Variants in CAD observed in about 807,000 individuals in gnomAD.
CAD encodes carbamoyl-phosphate synthetase 2, aspartate transcarbamylase, and dihydroorotase, also known as multifunctional protein CAD.
A neutral mutation model predicts 237.2 loss-of-function variants in CAD; 81 were observed. The observed-to-expected ratio is 0.34, with a 90% CI of 0.29 to 0.41. CAD has a LOEUF of 0.41. CAD is among the 10% of genes least tolerant of loss of function. The pLI is 1.00. For synonymous variants in CAD, 1,196 were observed against 1,162.8 expected, an observed-to-expected ratio of 1.03 and a Z score of -0.58; for missense variants, 2,181 against 2,951.7, an observed-to-expected ratio of 0.74 and a Z score of 6.05.
chr2:27,237,906 AGGCCACCACCCAGTGTCTCCT>A lies in CAD; in HGVS notation c.4728+28_4728+48del, dbSNP rs777768809. ...AGGTAGGGAGTGTGCATGTGGCAGG[AGGCCACCACCCAGTGTCTCCT>A]GGCTTGTGGGCCCCTGCCTAAGTGG... On this transcript the variant is annotated intron_variant, in intron 29 of 43. Transcript: ENST00000264705. The surrounding 1 kb of genome is among the most constrained non-coding windows in gnomAD (Gnocchi z 4.0). 1.3e-5 allele frequency: 20 copies of A among 1,586,648 alleles called. No homozygotes were observed. The highest frequency in any genetic ancestry group is 9.5e-6 in the Non-Finnish European group (11 of 1,163,842).
chr2:27,217,884 A>G lies in CAD; in HGVS notation c.90A>G (p.Gln30=), dbSNP rs1227192121. ...AVSTAGEVVF[Q]TGMVGYPEAL... ...CCTGCTTCTTTCTTGCAGTGTTTCA[A>G]ACCGGCATGGTCGGCTACCCCGAGG... The change falls in exon 2 of 44, where the codon CAA becomes CAG. Residue 30 remains glutamine (Q), a synonymous_variant. Transcript: ENST00000264705. 1 of 1,602,820 alleles carries G rather than the reference A, an allele frequency of 6.2e-7. No homozygotes were observed.
In CAD at chr2:27,223,937, A is replaced by G. The variant is rs747119800; in HGVS notation, c.1016A>G (p.His339Arg). The G allele has an allele frequency of 6.2e-7, 1 of 1,613,636 alleles. No individual in the cohort carries two copies. The highest frequency in any genetic ancestry group is 2.2e-5 in the East Asian group (1 of 44,872). The part of the protein sequence containing the change: ...PFFSVQFHPE[H>R]QAGPSDMELL... ...AATAGTGTCCAGTTTCACCCAGAGC[A>G]CCAAGCTGGCCCTTCAGATATGGAA... The change falls in exon 8 of 44, where the codon CAC (histidine) becomes CGC (arginine). Residue 339 changes from histidine (H) to arginine (R), a missense_variant. By Grantham distance (29) the His-to-Arg change is conservative. This residue lies in a region of CAD where 129 missense variants were observed against 143.3 expected (regional missense o/e 0.90). Transcript: ENST00000264705.
chr2:27,236,292 T>C lies in CAD; in HGVS notation c.4083T>C (p.Ala1361=). ...TGACTCCGGGTTGGCAGGTAACAGC[T>C]GTGGACTGGCACTTTGAGGAGGCTG... ...FYTEHGVKVT[A]VDWHFEEAVD... is the part of the protein sequence containing the mutation. Residue 1361 remains alanine, a synonymous_variant, in exon 26 of 44, where the codon GCT becomes GCC. Transcript: ENST00000264705. This position sits in a 1 kb window ranked among gnomAD's most constrained non-coding sequence, Gnocchi z 4.1. 6.2e-7 allele frequency: 1 copy of C among 1,613,884 alleles called. No homozygotes were observed. The highest frequency in any genetic ancestry group is 8.5e-7 in the Non-Finnish European group (1 of 1,179,904).
chr2:27,235,824 AGTG>A lies in CAD; in HGVS notation c.4074+185_4074+187del. On this transcript the variant is annotated intron_variant, in intron 25 of 43. Coordinates refer to ENST00000264705, the MANE Select transcript of CAD (RefSeq NM_004341.5). The surrounding 1 kb of genome is among the most constrained non-coding windows in gnomAD (Gnocchi z 5.2). ...AGGCTGCAGTGAGCTGCGAGTGTGC[AGTG>A]AGTGCACCACTGCACTCCAGCTTGG... is the stretch of plus-strand genomic sequence containing the variant. 1 of 556,962 alleles carries A rather than the reference AGTG, an allele frequency of 1.8e-6. No individual in the cohort carries two copies. The highest frequency in any genetic ancestry group is 3.2e-6 in the Non-Finnish European group (1 of 311,430). 34.5% of individuals were successfully genotyped at this position (556,962 alleles called of 1,614,324 possible).
In CAD at chr2:27,241,982, C is replaced by T; in HGVS notation, c.5955C>T (p.Ala1985=). The change falls in exon 39 of 44, where the codon GCC becomes GCT. Residue 1985 remains alanine (A), a synonymous_variant. Coordinates refer to ENST00000264705, the MANE Select transcript of CAD (RefSeq NM_004341.5). The surrounding 1 kb of genome is among the most constrained non-coding windows in gnomAD (Gnocchi z 4.6). ...RTSSSFAAAM[A]RLGGAVLSFS... The stretch of plus-strand genomic sequence containing the variant: ...GCAGCTCCTTTGCAGCAGCCATGGC[C>T]CGGCTGGGAGGTGCTGTGCTCAGCT... 6.2e-7 allele frequency: 1 copy of T among 1,613,514 alleles called. No individual in the cohort carries two copies. The highest frequency in any genetic ancestry group is 1.1e-5 in the South Asian group (1 of 91,082).
chr2:27,222,381 G>C lies in CAD; in HGVS notation c.495+45G>C, dbSNP rs74335354. Reference sequence around the variant, plus strand: ...GAGTGTTGCAAGCTCTAGCACAGTAGTTATATTCTGCCCACAATTGGGGGG... The same window carrying C: ...GAGTGTTGCAAGCTCTAGCACAGTACTTATATTCTGCCCACAATTGGGGGG... On this transcript the variant is annotated intron_variant, in intron 4 of 43. Transcript: ENST00000264705. 734 of 1,590,850 alleles carry C rather than the reference G, an allele frequency of 4.6e-4. 4 individuals carry two copies. The African/African-American group carries it at 9.0e-3, about 20-fold the overall frequency.
Position 27,224,355 on chromosome 2 carries a change from G to A in CAD, c.1119G>A (p.Arg373=). 6.2e-7 allele frequency: 1 copy of A among 1,614,210 alleles called. No homozygotes were observed. The highest frequency in any genetic ancestry group is 8.5e-7 in the Non-Finnish European group (1 of 1,180,024). The part of the protein sequence containing the change: ...GNPGGQTVRE[R]LTERLCPPGI... Reference sequence around the variant, plus strand: ...TCTTTGCTTCCACAGTTAGAGAGCGGCTGACTGAGCGCCTCTGTCCCCCTG... The same window carrying A: ...TCTTTGCTTCCACAGTTAGAGAGCGACTGACTGAGCGCCTCTGTCCCCCTG... Residue 373 remains arginine, a synonymous_variant, in exon 9 of 44, where the codon CGG becomes CGA. Transcript: ENST00000264705.
Position 27,224,040 on chromosome 2 carries a change from G to A in CAD, c.1108+11G>A, listed in dbSNP as rs374758631. On this transcript the variant is annotated intron_variant, in intron 8 of 43. Coordinates refer to ENST00000264705, the MANE Select transcript of CAD (RefSeq NM_004341.5). Reference sequence around the variant, plus strand: ...CTGGGGGCCAGACAGGTAAGATCCTGAGTAGAACTGGGTTGTGGACCTAAG... The same window carrying A: ...CTGGGGGCCAGACAGGTAAGATCCTAAGTAGAACTGGGTTGTGGACCTAAG... 1.9e-6 allele frequency: 3 copies of A among 1,575,934 alleles called. No homozygotes were observed. The highest frequency in any genetic ancestry group is 2.6e-6 in the Non-Finnish European group (3 of 1,145,082).
Position 27,238,085 on chromosome 2 carries a change from C to G in CAD, c.4758C>G (p.Pro1586=). ...TCGAGACATGGCCCTCCCACCTCCC[C>G]ATTGTGGCTCACGCAGAGCAGCAAA... is the stretch of plus-strand genomic sequence containing the variant. ...EHFETWPSHL[P]IVAHAEQQTV... is the part of the protein sequence containing the mutation. The change falls in exon 30 of 44, where the codon CCC becomes CCG. Residue 1586 remains proline, a synonymous_variant. Coordinates refer to ENST00000264705, the MANE Select transcript of CAD (RefSeq NM_004341.5). The G allele has an allele frequency of 3.7e-6, 6 of 1,614,220 alleles. No individual in the cohort carries two copies. The highest frequency in any genetic ancestry group is 2.5e-6 in the Non-Finnish European group (3 of 1,180,038).
chr2:27,227,044 T>A, intron 15 of CAD, 82 bp downstream of exon 15: 2 of 1,218,954 alleles, frequency 1.6e-6, no homozygotes, highest in Non-Finnish European at 2.4e-6. Context: ...TGGCATGGCC[T>A]TTTACGTCCT....
rs769432903 is a variant in CAD, at chr2:27,239,712, G to A, written c.5410G>A (p.Gly1804Ser). The change falls in exon 34 of 44, where the codon GGC (glycine) becomes AGC (serine). Residue 1804 changes from glycine (G) to serine (S), a missense_variant. This residue lies in a region of CAD where 478 missense variants were observed against 515.0 expected (regional missense o/e 0.93). Coordinates refer to ENST00000264705, the MANE Select transcript of CAD (RefSeq NM_004341.5). The surrounding 1 kb of genome is among the most constrained non-coding windows in gnomAD (Gnocchi z 4.0). ...CTGCCTGCAGGTTCTGGTACCCCCG[G>A]GCTATGGACAGGATGTACGGAAGTG... ...YIDGQVLVPP[G>S]YGQDVRKWPQ... The A allele has an allele frequency of 1.3e-6, 2 of 1,590,892 alleles. No individual in the cohort carries two copies. The highest frequency in any genetic ancestry group is 1.8e-5 in the Admixed American group (1 of 56,858).
chr2:27,217,420 C>A lies in CAD; in HGVS notation c.-132C>A. 1.3e-6 allele frequency: 1 copy of A among 797,372 alleles called. No individual in the cohort carries two copies. 49.4% of individuals were successfully genotyped at this position (797,372 alleles called of 1,614,324 possible). A position where few individuals can be genotyped will look rare whatever the true frequency, so the allele number is the denominator to read the frequency against. On this transcript the variant is annotated 5_prime_UTR_variant, in exon 1 of 44. Coordinates refer to ENST00000264705, the MANE Select transcript of CAD (RefSeq NM_004341.5). Reference sequence around the variant, plus strand: ...CCCGAGGCTCCTACGCTGCCGCGCCCGGCTTCTCTCCAGCGCCCCGCGCCG... The same window carrying A: ...CCCGAGGCTCCTACGCTGCCGCGCCAGGCTTCTCTCCAGCGCCCCGCGCCG...
Position 27,238,705 on chromosome 2 carries a change from C to G in CAD, c.5062+73C>G, listed in dbSNP as rs138381242. On this transcript the variant is annotated intron_variant, in intron 31 of 43. Transcript: ENST00000264705. The stretch of plus-strand genomic sequence containing the variant: ...ACAGCCCTAGCAAGAAAATGGGAAG[C>G]AGGCCAGGCCTCAGGACTCTACTAG... 4,605 of 1,393,980 alleles carry G rather than the reference C, an allele frequency of 3.3e-3. 15 individuals are homozygous for G. Among genetic ancestry groups the G allele is most frequent in the Non-Finnish European group, 4.2e-3 (4,283 of 1,015,766 alleles). The allele number at this position is 1,393,980 out of a possible 1,614,324, so 86.4% of individuals were successfully genotyped here. A position where few individuals can be genotyped will look rare whatever the true frequency, so the allele number is the denominator to read the frequency against.
In CAD at chr2:27,236,194, T is replaced by C. The variant is rs1675993151; in HGVS notation, c.4075-90T>C. 6.5e-7 allele frequency: 1 copy of C among 1,536,806 alleles called. No individual in the cohort carries two copies. The highest frequency in any genetic ancestry group is 8.8e-7 in the Non-Finnish European group (1 of 1,138,872). ...CTATGGGTCCTCAGTCTCCTCATCA[T>C]GGGCTCCTGGGCCAGCTCCTCTCCC... On this transcript the variant is annotated intron_variant, in intron 25 of 43. Coordinates refer to ENST00000264705, the MANE Select transcript of CAD (RefSeq NM_004341.5). The surrounding 1 kb of genome is among the most constrained non-coding windows in gnomAD (Gnocchi z 4.1).
rs1009969489 is a variant in CAD, at chr2:27,242,091, G to T, written c.6064G>T (p.Val2022Leu). ...QTMSCYADVV[V>L]LRHPQPGAVE... is the part of the protein sequence containing the mutation. The stretch of plus-strand genomic sequence containing the variant: ...CATGAGCTGCTATGCCGACGTCGTC[G>T]TGCTCCGGCACCCCCAGCCTGGAGC... The change falls in exon 39 of 44, where the codon GTG becomes TTG. Residue 2022 changes from valine (V) to leucine (L), a missense_variant. This residue lies in a region of CAD where 203 missense variants were observed against 284.5 expected (regional missense o/e 0.71). Coordinates refer to ENST00000264705, the MANE Select transcript of CAD (RefSeq NM_004341.5). The surrounding 1 kb of genome is among the most constrained non-coding windows in gnomAD (Gnocchi z 6.4). The T allele has an allele frequency of 6.2e-7, 1 of 1,613,096 alleles. No individual in the cohort carries two copies. Among genetic ancestry groups the T allele is most frequent in the East Asian group, 2.2e-5 (1 of 44,880 alleles).
Position 27,237,936 on chromosome 2 carries a change from G to T in CAD, c.4728+54G>T, listed in dbSNP as rs1676103884. Reference sequence around the variant, plus strand: ...ACCACCCAGTGTCTCCTGGCTTGTGGGCCCCTGCCTAAGTGGGCTGGTAGC... The same window carrying T: ...ACCACCCAGTGTCTCCTGGCTTGTGTGCCCCTGCCTAAGTGGGCTGGTAGC... On this transcript the variant is annotated intron_variant, in intron 29 of 43. Transcript: ENST00000264705. This position sits in a 1 kb window ranked among gnomAD's most constrained non-coding sequence, Gnocchi z 4.0. 5.1e-6 allele frequency: 8 copies of T among 1,576,060 alleles called. No individual in the cohort carries two copies. The highest frequency in any genetic ancestry group is 6.9e-6 in the Non-Finnish European group (8 of 1,158,478).
rs1044554706 is a variant in CAD at position 27,233,925 on chromosome 2, G to C, written c.3400-83G>C. ...GGGCTGGGAACAGTGGGCTATGTGG[G>C]GCTCGTTAAAGGAAGAGACAATCCT... On this transcript the variant is annotated intron_variant, in intron 21 of 43. Coordinates refer to ENST00000264705, the MANE Select transcript of CAD (RefSeq NM_004341.5). The surrounding 1 kb of genome is among the most constrained non-coding windows in gnomAD (Gnocchi z 6.3). 4 of 1,545,666 alleles carry C rather than the reference G, an allele frequency of 2.6e-6. No individual in the cohort carries two copies. In the African/African-American group the frequency reaches 5.4e-5, roughly 21 times the overall value.
At chr2:27,234,714 G>A in intron 23 of CAD, 29 bp downstream of exon 23, 1 of 1,600,540 alleles carries the variant, frequency 6.2e-7, no homozygotes. Context: ...CTTGGGGTTA[G>A]CAGAAAAATA....
At position 27,238,957 on chromosome 2, in the gene CAD, T is replaced by A; in HGVS notation, c.5063-85T>A. ...GGAGTGGTAGTGAGCATAAGGAGGT[T>A]GTTGGAAGTGCAGTCCTGGGGTGTG... On this transcript the variant is annotated intron_variant, in intron 31 of 43. Transcript: ENST00000264705. 2.2e-5 allele frequency: 28 copies of A among 1,287,358 alleles called. No individual in the cohort carries two copies. The South Asian group carries it at 3.9e-4, about 18-fold the overall frequency. 79.7% of individuals were successfully genotyped at this position (1,287,358 alleles called of 1,614,324 possible).
Sources: gnomAD v4.1 joint callset for allele counts on GRCh38, gnomAD v4.1.1 for gene constraint, gnomAD v4.1.1 regional missense constraint, Gnocchi (gnomAD v3.1) non-coding constraint, MANE v1.5 for transcripts, NCBI Gene and HGNC (gene_info 2026-07-23, HGNC 2026-07-21) for gene names.